Variants in KLRG1 observed in about 807,000 individuals in gnomAD.
KLRG1 encodes killer cell lectin-like receptor subfamily G member 1.
KLRG1 carries 16 observed loss-of-function variants against 21.8 expected under a neutral mutation model. That is an observed-to-expected ratio of 0.73 (90% CI 0.50 to 1.11). The LOEUF is 1.11. KLRG1 is among the 50% of genes most tolerant of loss of function. KLRG1 has a pLI of 0.00. For synonymous variants in KLRG1, 69 were observed against 75.9 expected (o/e 0.91, Z 0.47); for missense variants, 173 against 218.3 (o/e 0.79, Z 1.31).
chr12:9,040,770 A>AT, the KLRG1 span, among the ~76,000 whole-genome samples: 1 of 152,220 alleles, frequency 6.6e-6, no homozygotes, highest in Non-Finnish European at 1.5e-5. Flanking sequence ...TTTTGATCTT[A>AT]CAAGAACTTA....
At chr12:9,163,607 C>G in the KLRG1 span, 1 of 1,579,120 alleles carries the variant, frequency 6.3e-7, no homozygotes, top group Non-Finnish European at 8.6e-7. Context: ...TTTGTTGTCT[C>G]AAGAGTGACC....
chr12:8,984,815 A>T (rs1020268676), upstream of KLRG1, among the ~76,000 whole-genome samples: 1 of 152,158 alleles, frequency 6.6e-6, no homozygotes, highest in African/African-American at 2.4e-5. Flanking sequence ...TTTGGATTCT[A>T]ATAATATTTT....
chr12:9,148,020 A>C, the KLRG1 span, among the ~76,000 whole-genome samples: 1 of 152,042 alleles, frequency 6.6e-6, no homozygotes, highest in Non-Finnish European at 1.5e-5. Flanking sequence ...CTCTCCATAA[A>C]AGGCATTAAC....
intron 1 of KLRG1, among the ~76,000 whole-genome samples, chr12:8,962,000 T>A (rs755934378): frequency 3.3e-4 from 50 of 151,858 alleles, no homozygotes; most frequent in African/African-American, 1.2e-3. Context: ...GTGGGAGAAT[T>A]GTTTAAGGCC....
the KLRG1 span, among the ~76,000 whole-genome samples, chr12:9,024,017 G>GTTT: frequency 9.4e-6 from 1 of 106,278 alleles, no homozygotes; most frequent in African/African-American, 4.1e-5. Flanking sequence ...TGAACACATG[G>GTTT]ATTTTTTTTT....
At chr12:9,003,155 C>T (rs926001879) in intron 3 of KLRG1, among the ~76,000 whole-genome samples, 1 of 152,016 alleles carries the variant, frequency 6.6e-6, no homozygotes, top group Admixed American at 6.6e-5. Flanking sequence ...GGGGTTTGTA[C>T]GTGGGCATTA....
At chr12:8,983,371 G>A (rs985834359) in intron 1 of KLRG1, among the ~76,000 whole-genome samples, 12 of 114,724 alleles carry the variant, frequency 1.0e-4, no homozygotes, top group African/African-American at 3.6e-4. Context: ...ATAGAATTCT[G>A]TATTGGCAGT....
chr12:9,187,143 A>T, the KLRG1 span, among the ~76,000 whole-genome samples: 1 of 151,824 alleles, frequency 6.6e-6, no homozygotes, highest in African/African-American at 2.4e-5. Context: ...GAGAAGACCT[A>T]ACTAAACAAA....
At chr12:9,151,824 T>C in the KLRG1 span, 1 of 605,898 alleles carries the variant, frequency 1.7e-6, no homozygotes, top group Non-Finnish European at 2.9e-6. Context: ...AATTCTTCAA[T>C]ATCCAAGTAA....
chr12:8,955,284 A>G (rs773683291), intron 1 of KLRG1, among the ~76,000 whole-genome samples: 7 of 152,168 alleles, frequency 4.6e-5, no homozygotes, highest in Admixed American at 1.3e-4. Context: ...TCTGTAATCA[A>G]AAAATTTAGA....
chr12:9,019,258 A>AT, the KLRG1 span, among the ~76,000 whole-genome samples: 2 of 152,202 alleles, frequency 1.3e-5, no homozygotes, highest in Non-Finnish European at 2.9e-5. Flanking sequence ...TATCCAAAAG[A>AT]TAGGCAATGA....
At chr12:9,071,807 A>G in the KLRG1 span, among the ~76,000 whole-genome samples, 1 of 152,182 alleles carries the variant, frequency 6.6e-6, no homozygotes, top group African/African-American at 2.4e-5. Flanking sequence ...TATTTGTTAC[A>G]TGTATTTTGT....
the KLRG1 span, among the ~76,000 whole-genome samples, chr12:9,173,427 A>G: frequency 2.6e-5 from 4 of 152,194 alleles, no homozygotes; most frequent in African/African-American, 9.6e-5. Context: ...TAGAACCAAG[A>G]GCATACAAAC....
the KLRG1 span, among the ~76,000 whole-genome samples, chr12:9,123,054 A>G: frequency 2.0e-5 from 3 of 152,176 alleles, no homozygotes; most frequent in Admixed American, 1.3e-4. Context: ...AAAATAAAAC[A>G]TGTTAATTTT....
At chr12:9,169,380 ACATT>A in the KLRG1 span, 1 of 1,459,526 alleles carries the variant, frequency 6.9e-7, no homozygotes, top group Non-Finnish European at 9.3e-7. Context: ...AGTTTTATTA[ACATT>A]CAAAAACTCA....
At chr12:9,090,844 T>C in the KLRG1 span, among the ~76,000 whole-genome samples, 22 of 152,186 alleles carry the variant, frequency 1.4e-4, no homozygotes, top group African/African-American at 5.3e-4. Context: ...GGTAAGATGC[T>C]CACAAACGAC....
the KLRG1 span, among the ~76,000 whole-genome samples, chr12:9,047,171 T>A: frequency 6.6e-6 from 1 of 152,240 alleles, no homozygotes; most frequent in Non-Finnish European, 1.5e-5. Flanking sequence ...TTATTCTTAA[T>A]TGACCTAACA....
chr12:9,077,287 G>T, the KLRG1 span: 1 of 1,452,520 alleles, frequency 6.9e-7, no homozygotes, highest in Non-Finnish European at 9.6e-7. Context: ...CAGACAGCAG[G>T]TCAGCAGTTT....
the KLRG1 span, among the ~76,000 whole-genome samples, chr12:9,124,749 A>C: frequency 2.4e-3 from 373 of 152,292 alleles, no homozygotes; most frequent in Non-Finnish European, 3.9e-3. Flanking sequence ...AGCCTGCTCC[A>C]ATCTTGGGGC....
Sources: gnomAD v4.1 joint callset for allele counts (sites outside exome capture counted in the v4.1 genomes callset) on GRCh38, gnomAD v4.1.1 for gene constraint, MANE v1.5 for transcripts, NCBI Gene and HGNC (gene_info 2026-07-23, HGNC 2026-07-21) for gene names.